TG: variants seen among roughly 807,000 people sequenced by gnomAD.
TG encodes thyroglobulin.
Under a neutral mutation model 324.7 loss-of-function variants are expected in TG, and 270 were observed. The ratio of observed to expected loss-of-function variants is 0.83; its 90% CI spans 0.75 to 0.92. The LOEUF (loss-of-function observed/expected upper bound fraction) is 0.92, where lower values mean the gene tolerates loss of function less well. TG is among the 40% of genes least tolerant of loss of function. TG has a pLI of 0.00. For synonymous variants in TG, 1,401 were observed against 1,327.0 expected (o/e 1.06, Z -1.21); for missense variants, 3,591 against 3,456.4 (o/e 1.04, Z -0.98).
At chr8:133,095,231 G>A (rs1190933290) in intron 42 of TG, 23 bp downstream of exon 42, 1 of 1,614,056 alleles carries the variant, frequency 6.2e-7, no homozygotes, top group African/African-American at 1.3e-5. Context: ...GTGCAAGTTG[G>A]GAAGGGACAT....
At chr8:132,898,301 T>C (rs1817416461) in intron 13 of TG, 55 bp downstream of exon 13, 3 of 1,515,906 alleles carry the variant, frequency 2.0e-6, no homozygotes, top group Non-Finnish European at 2.7e-6. Flanking sequence ...GCATCACTGG[T>C]CTAGTCAGCT....
intron 11 of TG, 45 bp from the exon 12 acceptor site, chr8:132,897,604 C>T: frequency 1.2e-6 from 2 of 1,613,456 alleles, no homozygotes; most frequent in Non-Finnish European, 1.7e-6. Flanking sequence ...AGAGCCCACA[C>T]AGAGCAGGTG....
At chr8:133,080,056 C>T (rs1027798396) in intron 41 of TG, among the ~76,000 whole-genome samples, 3 of 151,976 alleles carry the variant, frequency 2.0e-5, no homozygotes, top group Non-Finnish European at 4.4e-5. Context: ...TGAGTAAAGT[C>T]ATAGAAGGGA....
At chr8:133,089,118 C>T (rs1847088468) in intron 41 of TG, among the ~76,000 whole-genome samples, 1 of 152,194 alleles carries the variant, frequency 6.6e-6, no homozygotes, top group Non-Finnish European at 1.5e-5. Context: ...CTGGGTCACA[C>T]ACTACCCCTT....
intron 27 of TG, among the ~76,000 whole-genome samples, chr8:132,950,472 G>A (rs962575420): frequency 6.6e-6 from 1 of 152,152 alleles, no homozygotes; most frequent in African/African-American, 2.4e-5. Flanking sequence ...TTTATATCCT[G>A]CATTTCTCAG....
chr8:132,915,313 T>C (rs1178560155), intron 20 of TG, among the ~76,000 whole-genome samples: 1 of 152,200 alleles, frequency 6.6e-6, no homozygotes, highest in East Asian at 1.9e-4. Flanking sequence ...CTCCTCTGAC[T>C]GTCTTCCTTT....
chr8:133,127,831 C>T (rs1477169014), intron 45 of TG, among the ~76,000 whole-genome samples: 1 of 152,256 alleles, frequency 6.6e-6, no homozygotes. Flanking sequence ...CAGCCATACC[C>T]CTTGTCATTC....
chr8:132,868,432 T>A (rs77300255), intron 2 of TG, among the ~76,000 whole-genome samples: 3,033 of 152,248 alleles, frequency 0.02, 106 homozygotes, highest in African/African-American at 0.07. Flanking sequence ...CACTGGACAA[T>A]CTGACCAAGT....
At chr8:132,968,839 C>T (rs75606502) in intron 31 of TG, among the ~76,000 whole-genome samples, 125 of 152,264 alleles carry the variant, frequency 8.2e-4, no homozygotes, top group African/African-American at 1.9e-3. Flanking sequence ...TGGAAAATGT[C>T]GGGGGGACAC....
In TG at chr8:132,869,745, A is replaced by T. The variant is rs764894011; in HGVS notation, c.193A>T (p.Asn65Tyr). 1 of 1,614,194 alleles carries T rather than the reference A, an allele frequency of 6.2e-7. No individual in the cohort carries two copies. Among genetic ancestry groups the T allele is most frequent in the Non-Finnish European group, 8.5e-7 (1 of 1,180,032 alleles). ...DGSFQTVQCQ[N>Y]DGRSCWCVGA... is the part of the protein sequence containing the mutation. ...CCTCCTCAGGACTGTCCAGTGCCAG[A>T]ACGACGGCCGCTCCTGCTGGTGTGT... The change falls in exon 3 of 48, where the codon AAC becomes TAC. Residue 65 changes from asparagine (N) to tyrosine (Y), a missense_variant. Asn to Tyr is a moderately radical substitution (Grantham distance 143). Coordinates refer to ENST00000220616, the MANE Select transcript of TG (RefSeq NM_003235.5).
intron 43 of TG, among the ~76,000 whole-genome samples, chr8:133,101,882 C>T (rs1362798227): frequency 3.9e-5 from 6 of 152,158 alleles, no homozygotes; most frequent in Non-Finnish European, 2.9e-5. Flanking sequence ...ACCAGGACCC[C>T]GCTCCCTTGG....
chr8:133,047,614 G>C (rs1226330764), intron 41 of TG: 6 of 575,214 alleles, frequency 1.0e-5, no homozygotes, highest in Middle Eastern at 3.4e-4. Context: ...GGCCAGGCCC[G>C]TGGCAGTGCC....
At chr8:132,961,380 A>G (rs1047816175) in intron 28 of TG, among the ~76,000 whole-genome samples, 5 of 152,152 alleles carry the variant, frequency 3.3e-5, no homozygotes, top group African/African-American at 1.2e-4. Context: ...GGGCCATTGC[A>G]AAGCACAGGA....
chr8:133,016,428 A>C lies in TG; in HGVS notation c.6563-1350A>C, dbSNP rs974662632. The stretch of plus-strand genomic sequence containing the variant: ...CCAAAAATGTCTCCAGATGTGGCCA[A>C]ATGTCCCCTGTGGGCAAAATTACTT... On this transcript the variant is annotated intron_variant, in intron 37 of 47. Coordinates refer to ENST00000220616, the MANE Select transcript of TG (RefSeq NM_003235.5). 1.3e-5 allele frequency among the ~76,000 whole-genome samples: 2 copies of C among 152,188 alleles called. 1 individual carries two copies. The highest frequency in any genetic ancestry group is 4.1e-4 in the South Asian group (2 of 4,832).
chr8:133,062,633 G>A (rs1249508868), intron 41 of TG, among the ~76,000 whole-genome samples: 1 of 152,196 alleles, frequency 6.6e-6, no homozygotes, highest in Non-Finnish European at 1.5e-5. Context: ...TCCTGCACAG[G>A]CCTCGGGAAG....
At chr8:133,003,594 G>T (rs145551646) in intron 35 of TG, among the ~76,000 whole-genome samples, 1 of 151,898 alleles carries the variant, frequency 6.6e-6, no homozygotes, top group Admixed American at 6.6e-5. Context: ...TAATCTGTCC[G>T]TTAAAAATAA....
chr8:133,087,439 G>T (rs543435679), intron 41 of TG, among the ~76,000 whole-genome samples: 3 of 152,060 alleles, frequency 2.0e-5, no homozygotes, highest in African/African-American at 7.2e-5. Context: ...CCTCCCTCGG[G>T]GTGTGAGGGG....
chr8:132,955,657 T>C (rs761962085), intron 27 of TG, among the ~76,000 whole-genome samples: 4 of 152,176 alleles, frequency 2.6e-5, no homozygotes, highest in Non-Finnish European at 5.9e-5. Flanking sequence ...GGTGGTGGTG[T>C]TAACTGGGAT....
At chr8:132,916,995 C>T (rs1380583439) in intron 20 of TG, among the ~76,000 whole-genome samples, 3 of 141,904 alleles carry the variant, frequency 2.1e-5, no homozygotes, top group African/African-American at 5.1e-5. Context: ...CCTTCTTTCC[C>T]TCCAACCCTC....
Sources: gnomAD v4.1 joint callset for allele counts (sites outside exome capture counted in the v4.1 genomes callset) on GRCh38, gnomAD v4.1.1 for gene constraint, MANE v1.5 for transcripts, NCBI Gene and HGNC (gene_info 2026-07-23, HGNC 2026-07-21) for gene names.